The following SSBP2 variants were observed in gnomAD, a reference collection of about 807,000 sequenced individuals.
SSBP2 encodes the protein single-stranded DNA-binding protein 2.
SSBP2 carries 17 observed loss-of-function variants against 61.8 expected under a neutral mutation model. The observed-to-expected ratio is 0.28, with a 90% CI of 0.19 to 0.41. The LOEUF is 0.41. Ranked by LOEUF, SSBP2 falls within the 10% of genes least tolerant of loss-of-function variation. The pLI is 1.00. For synonymous variants in SSBP2, 139 were observed against 141.3 expected, an observed-to-expected ratio of 0.98 and a Z score of 0.12; for missense variants, 310 against 458.7, an observed-to-expected ratio of 0.68 and a Z score of 2.96.
At chr5:81,739,550 T>A (rs1221355849) in intron 1 of SSBP2, among the ~76,000 whole-genome samples, 1 of 152,172 alleles carries the variant, frequency 6.6e-6, no homozygotes, top group Non-Finnish European at 1.5e-5. Flanking sequence ...GTGAGGCCCC[T>A]CTGAATGGGG....
intron 4 of SSBP2, among the ~76,000 whole-genome samples, chr5:81,582,918 T>C (rs1328004765): frequency 6.6e-6 from 1 of 152,018 alleles, no homozygotes; most frequent in Non-Finnish European, 1.5e-5. Context: ...AACATATAGA[T>C]TTCCTAAAAT....
At chr5:81,584,973 A>G (rs1774951794) in intron 4 of SSBP2, among the ~76,000 whole-genome samples, 1 of 152,124 alleles carries the variant, frequency 6.6e-6, no homozygotes, top group East Asian at 1.9e-4. Context: ...AGTTTAAGAT[A>G]AAGAAATAAT....
intron 4 of SSBP2, among the ~76,000 whole-genome samples, chr5:81,531,877 T>TA (rs1304038859): frequency 6.6e-6 from 1 of 151,964 alleles, no homozygotes; most frequent in Non-Finnish European, 1.5e-5. Context: ...TCTGGAACAG[T>TA]AAGGAGGATG....
chr5:81,538,510 G>C (rs1176574803), intron 4 of SSBP2, among the ~76,000 whole-genome samples: 2 of 152,218 alleles, frequency 1.3e-5, no homozygotes, highest in African/African-American at 2.4e-5. Context: ...CCAAACAACA[G>C]ATTTTCAGTG....
chr5:81,453,796 C>T, intron 10 of SSBP2, among the ~76,000 whole-genome samples: 1 of 151,948 alleles, frequency 6.6e-6, no homozygotes, highest in Non-Finnish European at 1.5e-5. Flanking sequence ...AAGCTTTTTA[C>T]CTTTCTGTGA....
intron 1 of SSBP2, among the ~76,000 whole-genome samples, chr5:81,738,813 A>T (rs1391325746): frequency 1.3e-5 from 2 of 152,082 alleles, no homozygotes; most frequent in African/African-American, 4.8e-5. Flanking sequence ...GCTCCATATG[A>T]TTTCCAAAAC....
chr5:81,730,683 T>C (rs1292931259), intron 1 of SSBP2, among the ~76,000 whole-genome samples: 2 of 152,234 alleles, frequency 1.3e-5, no homozygotes, highest in African/African-American at 4.8e-5. Flanking sequence ...TTATATCTTA[T>C]CTTTTAATTT....
intron 6 of SSBP2, among the ~76,000 whole-genome samples, chr5:81,488,057 A>G (rs1561459503): frequency 3.2e-5 from 2 of 63,238 alleles, no homozygotes; most frequent in Non-Finnish European, 5.8e-5. Flanking sequence ...ATATATATAT[A>G]TAAATAAAAT....
intron 4 of SSBP2, among the ~76,000 whole-genome samples, chr5:81,609,791 C>A (rs564342034): frequency 2.0e-5 from 3 of 152,170 alleles, no homozygotes; most frequent in African/African-American, 7.2e-5. Context: ...TGGTTTTTTA[C>A]ACTGTTGTGC....
chr5:81,562,717 A>G (rs1273696040), intron 4 of SSBP2, among the ~76,000 whole-genome samples: 3 of 152,184 alleles, frequency 2.0e-5, no homozygotes, highest in African/African-American at 7.2e-5. Context: ...AGTTAATTTA[A>G]CAAGGTAGAA....
At chr5:81,623,931 A>G (rs1052305166) in intron 3 of SSBP2, among the ~76,000 whole-genome samples, 11 of 152,162 alleles carry the variant, frequency 7.2e-5, no homozygotes, top group Non-Finnish European at 1.2e-4. Flanking sequence ...AGAATCCTGT[A>G]TTGCTTATAC....
chr5:81,532,107 A>G (rs1345864766), intron 4 of SSBP2, among the ~76,000 whole-genome samples: 1 of 152,124 alleles, frequency 6.6e-6, no homozygotes, highest in East Asian at 1.9e-4. Context: ...AGTACTGTCA[A>G]GGCATATACA....
rs769749090 is a variant in SSBP2 at position 81,625,679 on chromosome 5, C to T, written c.198-10122G>A. 7.2e-5 allele frequency among the ~76,000 whole-genome samples: 11 copies of T among 151,900 alleles called. No homozygotes were observed. In the South Asian group the frequency reaches 2.1e-3, roughly 29 times the overall value. On this transcript the variant is annotated intron_variant, in intron 3 of 16. Coordinates refer to ENST00000320672, the MANE Select transcript of SSBP2 (RefSeq NM_012446.5). ...CATTCCCAAGTTGAAGATTCTCAAC[C>T]AAACACTGTATCTCCCTCTATTCCT...
intron 7 of SSBP2, among the ~76,000 whole-genome samples, chr5:81,474,040 G>C (rs1765428745): frequency 6.6e-6 from 1 of 152,160 alleles, no homozygotes; most frequent in Non-Finnish European, 1.5e-5. Context: ...CAGTACAATA[G>C]AGCATTACAT....
chr5:81,684,861 A>C (rs1752656978), intron 1 of SSBP2, among the ~76,000 whole-genome samples: 1 of 152,058 alleles, frequency 6.6e-6, no homozygotes, highest in African/African-American at 2.4e-5. Context: ...GAGAAGGGAT[A>C]ATTGTATTTA....
At position 81,415,908 on chromosome 5, in the gene SSBP2, A is replaced by C. The variant is rs1312286442; in HGVS notation, c.*4596T>G. On this transcript the variant is annotated 3_prime_UTR_variant, in exon 17 of 17. Transcript: ENST00000320672. Reference sequence around the variant, plus strand: ...GCCTGGGTGACAGAGCAAGATTCTGACTCAAAAAAAAAAAAAAAAAAGAGG... The same window carrying C: ...GCCTGGGTGACAGAGCAAGATTCTGCCTCAAAAAAAAAAAAAAAAAAGAGG... 9.2e-6 allele frequency: 1 copy of C among 108,780 alleles called. No homozygotes were observed. Among genetic ancestry groups the C allele is most frequent in the South Asian group, 3.1e-4 (1 of 3,226 alleles). 6.7% of individuals were successfully genotyped at this position (108,780 alleles called of 1,614,324 possible). A position where few individuals can be genotyped will look rare whatever the true frequency, so the allele number is the denominator to read the frequency against.
chr5:81,663,741 A>C (rs2153749059), intron 1 of SSBP2, among the ~76,000 whole-genome samples: 1 of 152,330 alleles, frequency 6.6e-6, no homozygotes, highest in Admixed American at 6.5e-5. Flanking sequence ...TTACCTATTA[A>C]AGAACCTGTC....
chr5:81,693,106 G>C (rs561985248), intron 1 of SSBP2, among the ~76,000 whole-genome samples: 1 of 151,388 alleles, frequency 6.6e-6, no homozygotes, highest in Admixed American at 6.6e-5. Context: ...TCAGGAGGCC[G>C]AGGCAGGAGA....
chr5:81,544,307 A>C (rs1380267071), intron 4 of SSBP2, among the ~76,000 whole-genome samples: 1 of 152,104 alleles, frequency 6.6e-6, no homozygotes, highest in African/African-American at 2.4e-5. Context: ...TCAGCCACCC[A>C]AGGTGCTTGG....
Sources: gnomAD v4.1 joint callset for allele counts (sites outside exome capture counted in the v4.1 genomes callset) on GRCh38, gnomAD v4.1.1 for gene constraint, MANE v1.5 for transcripts, NCBI Gene and HGNC (gene_info 2026-07-23, HGNC 2026-07-21) for gene names.